FYB1: variants seen among roughly 807,000 people sequenced by gnomAD.
FYB1 encodes FYN-binding protein 1.
Under a neutral mutation model 94.1 loss-of-function variants are expected in FYB1, and 41 were observed. The ratio of observed to expected loss-of-function variants is 0.44; its 90% CI spans 0.34 to 0.57. The LOEUF (loss-of-function observed/expected upper bound fraction) is 0.57. FYB1 is among the 20% of genes least tolerant of loss of function. The probability of loss-of-function intolerance (pLI) is 0.02; values close to 1 mark genes in which losing one functional copy is unlikely to be tolerated. For synonymous variants in FYB1, 367 were observed against 353.2 expected (o/e 1.04, Z -0.44); for missense variants, 1,050 against 976.8 (o/e 1.07, Z -1.00).
intron 2 of FYB1, among the ~76,000 whole-genome samples, chr5:39,171,203 T>C (rs1200862013): frequency 1.3e-5 from 2 of 151,978 alleles, no homozygotes; most frequent in Admixed American, 6.6e-5. Flanking sequence ...GGCAGGAGAA[T>C]TGCTTGAACC....
At chr5:39,214,310 C>A (rs1048304832) in intron 1 of FYB1, among the ~76,000 whole-genome samples, 1 of 152,190 alleles carries the variant, frequency 6.6e-6, no homozygotes, top group African/African-American at 2.4e-5. Context: ...AATGGTACAG[C>A]TGCTATAGAA....
intron 2 of FYB1, among the ~76,000 whole-genome samples, chr5:39,191,104 C>T (rs56312432): frequency 0.1 from 15,604 of 152,188 alleles, 1,020 homozygotes; most frequent in Admixed American, 0.16. Context: ...AATACTCAAA[C>T]ATGGTATGGA....
At chr5:39,166,605 C>A (rs551629376) in intron 2 of FYB1, among the ~76,000 whole-genome samples, 1 of 151,934 alleles carries the variant, frequency 6.6e-6, no homozygotes, top group Admixed American at 6.6e-5. Flanking sequence ...ATGTGGTATA[C>A]GTGGAATACT....
At chr5:39,250,437 T>G (rs779608360) in intron 1 of FYB1, among the ~76,000 whole-genome samples, 4 of 152,204 alleles carry the variant, frequency 2.6e-5, no homozygotes, top group Non-Finnish European at 5.9e-5. Flanking sequence ...TTTAACAAGA[T>G]TCCACTAGGT....
intron 2 of FYB1, among the ~76,000 whole-genome samples, chr5:39,195,913 C>A (rs942550393): frequency 6.6e-6 from 1 of 151,738 alleles, no homozygotes; most frequent in East Asian, 1.9e-4. Flanking sequence ...TTAAAAAAAA[C>A]GTTTAGTCTT....
chr5:39,205,098 G>T (rs1748726923), intron 1 of FYB1, among the ~76,000 whole-genome samples: 1 of 151,994 alleles, frequency 6.6e-6, no homozygotes, highest in South Asian at 2.1e-4. Flanking sequence ...CACTACAAGG[G>T]GCATAATTAT....
chr5:39,144,347 T>C (rs1742450763), intron 3 of FYB1, among the ~76,000 whole-genome samples: 1 of 152,114 alleles, frequency 6.6e-6, no homozygotes, highest in Non-Finnish European at 1.5e-5. Context: ...TCTCAATGTA[T>C]AGGAAATACA....
intron 1 of FYB1, among the ~76,000 whole-genome samples, chr5:39,264,126 C>T (rs141070050): frequency 3.1e-4 from 47 of 152,328 alleles, no homozygotes; most frequent in African/African-American, 1.1e-3. Flanking sequence ...CCTTTGGACA[C>T]ATGCAGTTCA....
intron 2 of FYB1, among the ~76,000 whole-genome samples, chr5:39,189,394 T>C (rs1037102424): frequency 6.6e-6 from 1 of 152,196 alleles, no homozygotes; most frequent in Non-Finnish European, 1.5e-5. Flanking sequence ...CATCAACAGT[T>C]CATTTCTAGT....
At chr5:39,172,246 G>A (rs558454683) in intron 2 of FYB1, among the ~76,000 whole-genome samples, 1 of 152,196 alleles carries the variant, frequency 6.6e-6, no homozygotes, top group Non-Finnish European at 1.5e-5. Flanking sequence ...AGGAGTTTGA[G>A]ACCAGCATGG....
intron 3 of FYB1, among the ~76,000 whole-genome samples, chr5:39,145,222 G>T (rs1031343278): frequency 6.6e-6 from 1 of 152,048 alleles, no homozygotes; most frequent in African/African-American, 2.4e-5. Flanking sequence ...AAATGCTATT[G>T]GATATTTAAG....
Position 39,137,620 on chromosome 5 carries a change from CTTG to C in FYB1, c.1492_1494del (p.Gln498del). On this transcript the variant is annotated inframe_deletion, in exon 7 of 19. Transcript: ENST00000512982. ...CTTACTTTAAATTTCTTCTTTATTTCTTGTTCTTTCTTTTCTTTCTCTTTCTGT... is the reference window on the plus strand; with the variant it reads ...CTTACTTTAAATTTCTTCTTTATTTCTTCTTTCTTTTCTTTCTCTTTCTGT... The C allele has an allele frequency of 6.5e-7, 1 of 1,539,172 alleles. No homozygotes were observed. Among genetic ancestry groups the C allele is most frequent in the Non-Finnish European group, 8.8e-7 (1 of 1,137,570 alleles).
intron 1 of FYB1, among the ~76,000 whole-genome samples, chr5:39,252,641 T>C (rs1448890273): frequency 2.6e-5 from 4 of 152,202 alleles, no homozygotes; most frequent in South Asian, 2.1e-4. Flanking sequence ...GAGAGAGACA[T>C]GCAAACTCAT....
chr5:39,148,596 T>A (rs1742982762), intron 3 of FYB1, among the ~76,000 whole-genome samples: 1 of 151,870 alleles, frequency 6.6e-6, no homozygotes. Flanking sequence ...GAAGACTATC[T>A]GGCAGCTGGC....
At chr5:39,178,839 T>C (rs1459499405) in intron 2 of FYB1, among the ~76,000 whole-genome samples, 1 of 152,204 alleles carries the variant, frequency 6.6e-6, no homozygotes, top group Non-Finnish European at 1.5e-5. Context: ...AGTTTTCTGA[T>C]AGGTACCGGA....
chr5:39,110,874 T>C, intron 16 of FYB1: 2 of 304,082 alleles, frequency 6.6e-6, no homozygotes, highest in South Asian at 2.9e-5. Context: ...CAGCCAGCTA[T>C]TGACTACTAG....
rs528352512 is a variant in FYB1, at chr5:39,196,446, C to T, written c.1135+5380G>A. ...CTGATCTCAGGTGTTCAGCCCGCCT[C>T]GGCCTCCCAAAGTGCTGGGATTACA... On this transcript the variant is annotated intron_variant, in intron 2 of 18. Transcript: ENST00000512982. Among the ~76,000 whole-genome samples, 12 of 152,214 alleles carry T rather than the reference C, an allele frequency of 7.9e-5. No homozygotes were observed. In the East Asian group the frequency reaches 1.9e-3, roughly 25 times the overall value.
intron 3 of FYB1, among the ~76,000 whole-genome samples, chr5:39,146,335 A>C (rs1742657761): frequency 6.6e-6 from 1 of 152,132 alleles, no homozygotes; most frequent in South Asian, 2.1e-4. Context: ...TATAGTGATT[A>C]TTCTGTATTC....
chr5:39,150,325 C>T (rs1381948322), intron 3 of FYB1, among the ~76,000 whole-genome samples: 1 of 152,170 alleles, frequency 6.6e-6, no homozygotes. Context: ...CTGATGTTAA[C>T]CAACCCATTA....
Sources: allele counts gnomAD v4.1 joint callset (sites outside exome capture counted in the v4.1 genomes callset), GRCh38; gene constraint gnomAD v4.1.1; transcripts MANE v1.5; gene names NCBI Gene and HGNC (gene_info 2026-07-23, HGNC 2026-07-21).